Variants in CSMD1 observed in about 807,000 individuals in gnomAD.
The protein encoded by CSMD1 is CUB and sushi domain-containing protein 1.
A neutral mutation model predicts 417.5 loss-of-function variants in CSMD1; 213 were observed. The ratio of observed to expected loss-of-function variants is 0.51; its 90% CI spans 0.46 to 0.57. The LOEUF (loss-of-function observed/expected upper bound fraction) is 0.57. Among genes scored for constraint, CSMD1 ranks in the 20% least tolerant of loss-of-function variants. The pLI, the probability that CSMD1 is intolerant of heterozygous loss-of-function variation, is 0.00. For missense variants in CSMD1, 6,923 were observed against 4,529.7 expected (o/e 1.53, Z -15.17); for synonymous variants, 2,862 against 1,736.8 (o/e 1.65, Z -16.11).
intron 2 of CSMD1, among the ~76,000 whole-genome samples, chr8:4,584,811 C>G (rs1416761670): frequency 1.3e-5 from 2 of 152,148 alleles, no homozygotes; most frequent in African/African-American, 2.4e-5. Context: ...AAAATTGCTA[C>G]CTGTCTCTGG....
chr8:4,822,007 C>G (rs889563018), intron 1 of CSMD1, among the ~76,000 whole-genome samples: 1 of 152,086 alleles, frequency 6.6e-6, no homozygotes, highest in African/African-American at 2.4e-5. Flanking sequence ...GCAATGACTT[C>G]TGATGTCATC....
intron 3 of CSMD1, among the ~76,000 whole-genome samples, chr8:4,264,719 A>T (rs1274968554): frequency 6.6e-6 from 1 of 152,094 alleles, no homozygotes; most frequent in African/African-American, 2.4e-5. Context: ...ACACTGATTA[A>T]CTGCCCAGGG....
intron 3 of CSMD1, among the ~76,000 whole-genome samples, chr8:4,129,917 T>A (rs759824531): frequency 3.9e-5 from 6 of 152,320 alleles, no homozygotes; most frequent in Middle Eastern, 3.4e-3. Context: ...TCTCAGGTAA[T>A]TTTAACAATT....
intron 3 of CSMD1, among the ~76,000 whole-genome samples, chr8:4,149,155 G>C (rs909095393): frequency 3.9e-5 from 6 of 152,048 alleles, no homozygotes; most frequent in South Asian, 2.1e-4. Context: ...GTAGAGACAG[G>C]GTTTTCCCAT....
chr8:4,116,035 C>A (rs115073642), intron 3 of CSMD1, among the ~76,000 whole-genome samples: 1 of 151,498 alleles, frequency 6.6e-6, no homozygotes, highest in Non-Finnish European at 1.5e-5. Flanking sequence ...GAGTCTCACT[C>A]TGTCTCCCAG....
chr8:4,091,455 A>T (rs937224411), intron 3 of CSMD1, among the ~76,000 whole-genome samples: 5 of 152,182 alleles, frequency 3.3e-5, no homozygotes, highest in Admixed American at 3.3e-4. Context: ...TCCACGTCAG[A>T]AAAACAGCAA....
chr8:3,933,810 C>T (rs923629569), intron 5 of CSMD1, among the ~76,000 whole-genome samples: 2 of 152,148 alleles, frequency 1.3e-5, no homozygotes, highest in African/African-American at 4.8e-5. Context: ...AGATCTTGCA[C>T]TTAAAACCAA....
At chr8:4,504,944 C>T (rs112922567) in intron 2 of CSMD1, among the ~76,000 whole-genome samples, 2,058 of 152,242 alleles carry the variant, frequency 0.014, 54 homozygotes, top group African/African-American at 0.047. Context: ...AGTAAACATA[C>T]GTGTGCATGT....
intron 1 of CSMD1, among the ~76,000 whole-genome samples, chr8:4,711,961 T>C (rs778928188): frequency 4.6e-5 from 7 of 152,146 alleles, no homozygotes; most frequent in Non-Finnish European, 1.0e-4. Context: ...TCATTTGCGG[T>C]ACAGTTTTAA....
intron 50 of CSMD1, among the ~76,000 whole-genome samples, chr8:3,043,184 G>C (rs1295974636): frequency 6.6e-6 from 1 of 151,072 alleles, no homozygotes; most frequent in African/African-American, 2.4e-5. Context: ...AGTACCATAG[G>C]TCACTATAGC....
At chr8:3,633,195 C>T (rs1209396670) in intron 7 of CSMD1, among the ~76,000 whole-genome samples, 1 of 152,186 alleles carries the variant, frequency 6.6e-6, no homozygotes, top group Non-Finnish European at 1.5e-5. Flanking sequence ...CCTTTTCTCA[C>T]AGAACTCAAA....
intron 7 of CSMD1, among the ~76,000 whole-genome samples, chr8:3,696,581 T>G (rs113488300): frequency 6.6e-6 from 1 of 152,190 alleles, no homozygotes; most frequent in African/African-American, 2.4e-5. Flanking sequence ...TGGTAATTAA[T>G]TTGGGCAGAT....
At chr8:3,457,044 C>T (rs969380714) in intron 12 of CSMD1, among the ~76,000 whole-genome samples, 1 of 151,912 alleles carries the variant, frequency 6.6e-6, no homozygotes, top group African/African-American at 2.4e-5. Flanking sequence ...ACCTGTACCC[C>T]TCATTCTGTA....
At chr8:4,289,011 A>G (rs1335180325) in intron 3 of CSMD1, among the ~76,000 whole-genome samples, 5 of 152,198 alleles carry the variant, frequency 3.3e-5, no homozygotes, top group Admixed American at 1.3e-4. Flanking sequence ...ACCATCTTTC[A>G]AGCTATCTGT....
At chr8:4,623,456 T>A (rs1422038528) in intron 2 of CSMD1, among the ~76,000 whole-genome samples, 1 of 152,138 alleles carries the variant, frequency 6.6e-6, no homozygotes, top group Admixed American at 6.6e-5. Context: ...TAAAACATAC[T>A]ACCCACCCAT....
chr8:3,846,940 G>A (rs775182863), intron 5 of CSMD1, among the ~76,000 whole-genome samples: 8 of 152,144 alleles, frequency 5.3e-5, no homozygotes, highest in African/African-American at 1.4e-4. Context: ...CTCCCAAAGT[G>A]CTGTGATTAC....
intron 1 of CSMD1, among the ~76,000 whole-genome samples, chr8:4,670,711 C>T (rs771779904): frequency 1.3e-5 from 2 of 152,030 alleles, no homozygotes; most frequent in Non-Finnish European, 2.9e-5. Flanking sequence ...TCTCTTAAGG[C>T]AGACCAGAAA....
intron 1 of CSMD1, among the ~76,000 whole-genome samples, chr8:4,651,955 A>T (rs78953787): frequency 0.012 from 1,889 of 152,312 alleles, 42 homozygotes; most frequent in East Asian, 0.1. Flanking sequence ...CTTTAACTCA[A>T]TCCTCTGGGT....
intron 26 of CSMD1, among the ~76,000 whole-genome samples, chr8:3,281,817 C>T (rs1802762991): frequency 3.3e-5 from 5 of 152,034 alleles, no homozygotes; most frequent in Admixed American, 3.3e-4. Flanking sequence ...AATTGTAATC[C>T]CCACTGTTGG....
Sources: gnomAD v4.1 joint callset for allele counts (sites outside exome capture counted in the v4.1 genomes callset) on GRCh38, gnomAD v4.1.1 for gene constraint, MANE v1.5 for transcripts, NCBI Gene and HGNC (gene_info 2026-07-23, HGNC 2026-07-21) for gene names.